ZFHX3: variants seen among roughly 807,000 people sequenced by gnomAD.
ZFHX3 encodes the protein zinc finger homeobox protein 3.
Under a neutral mutation model 279.1 loss-of-function variants are expected in ZFHX3, and 42 were observed. The observed-to-expected ratio is 0.15, with a 90% CI of 0.12 to 0.19. The LOEUF (loss-of-function observed/expected upper bound fraction) is 0.19, where lower values mean the gene tolerates loss of function less well. Among genes scored for constraint, ZFHX3 ranks in the 10% least tolerant of loss-of-function variants. ZFHX3 has a pLI of 1.00. For missense variants in ZFHX3, 4,981 were observed against 4,754.0 expected, an observed-to-expected ratio of 1.05 and a Z score of -1.40; for synonymous variants, 2,293 against 1,957.8, an observed-to-expected ratio of 1.17 and a Z score of -4.52.
At chr16:72,960,434 G>T (rs1251915582) in intron 1 of ZFHX3, among the ~76,000 whole-genome samples, 2 of 152,190 alleles carry the variant, frequency 1.3e-5, no homozygotes, top group African/African-American at 4.8e-5. Context: ...AAGAAGGCCA[G>T]GAACAGCCCT....
intron 3 of ZFHX3, among the ~76,000 whole-genome samples, chr16:72,933,813 CTTTTTTTTTTT>C (rs71391468): frequency 1.8e-5 from 2 of 112,458 alleles, no homozygotes; most frequent in African/African-American, 3.0e-5. Flanking sequence ...TCACAACTTT[CTTTTTTTTTTT>C]TTTTTTTTTT....
chr16:73,851,828 TC>T lies in ZFHX3; in HGVS notation c.-1608+39822del, dbSNP rs1199862854. Reference sequence around the variant, plus strand: ...TCAACAGATTTGTGTGTGTCTTGGGTCCCTCCTCACACCACCATCTTCCATA... The same window carrying T: ...TCAACAGATTTGTGTGTGTCTTGGGTCCTCCTCACACCACCATCTTCCATA... On this transcript the variant is annotated intron_variant, in intron 1 of 17. Transcript: ENST00000641206. Among the ~76,000 whole-genome samples the T allele has an allele frequency of 2.0e-5, 3 of 152,130 alleles. No individual in the cohort carries two copies. The East Asian group carries it at 5.8e-4, about 29-fold the overall frequency.
intron 7 of ZFHX3, among the ~76,000 whole-genome samples, chr16:72,810,221 TG>T (rs1468713579): frequency 6.7e-6 from 1 of 149,882 alleles, no homozygotes; most frequent in Non-Finnish European, 1.5e-5. Flanking sequence ...AGTCCTGCTG[TG>T]TCACCCAGGC....
intron 3 of ZFHX3, among the ~76,000 whole-genome samples, chr16:73,379,981 A>G (rs1032371975): frequency 2.0e-5 from 3 of 152,242 alleles, no homozygotes; most frequent in Non-Finnish European, 4.4e-5. Flanking sequence ...ACTCTAGAAT[A>G]TAGCTACATT....
At position 73,105,396 on chromosome 16, in the gene ZFHX3, T is replaced by TATATATACACACACAC. The variant is rs1966287296; in HGVS notation, c.-896-11799_-896-11798insGTGTGTGTGTATATAT. On this transcript the variant is annotated intron_variant, in intron 7 of 17. Transcript: ENST00000641206. ...ATATATATATATACACACACACACA[T>TATATATACACACACAC]ATATATATATATACACACACACATA... Among the ~76,000 whole-genome samples, 10 of 33,082 alleles carry TATATATACACACACAC rather than the reference T, an allele frequency of 3.0e-4. 1 individual carries two copies. Among genetic ancestry groups the TATATATACACACACAC allele is most frequent in the African/African-American group, 8.4e-4 (9 of 10,730 alleles). The allele number at this position is 33,082 out of a possible 152,430, so 21.7% of individuals were successfully genotyped here. A position where few individuals can be genotyped will look rare whatever the true frequency, so the allele number is the denominator to read the frequency against.
chr16:73,579,877 T>G (rs369004486), intron 2 of ZFHX3, among the ~76,000 whole-genome samples: 2 of 145,066 alleles, frequency 1.4e-5, no homozygotes, highest in African/African-American at 5.1e-5. Context: ...TATATATACA[T>G]ACACACACAT....
At chr16:73,358,492 A>G (rs1263727747) in intron 3 of ZFHX3, among the ~76,000 whole-genome samples, 3 of 152,126 alleles carry the variant, frequency 2.0e-5, no homozygotes, top group Non-Finnish European at 4.4e-5. Context: ...TCCCCATTCA[A>G]ACCTTGAGAT....
intron 1 of ZFHX3, among the ~76,000 whole-genome samples, chr16:73,720,989 A>G (rs1383443343): frequency 6.6e-6 from 1 of 152,260 alleles, no homozygotes; most frequent in Non-Finnish European, 1.5e-5. Context: ...CGTGTGGCTG[A>G]CAGAAGTGTT....
chr16:73,188,909 G>A (rs1410075421), intron 5 of ZFHX3, among the ~76,000 whole-genome samples: 1 of 150,740 alleles, frequency 6.6e-6, no homozygotes, highest in Non-Finnish European at 1.5e-5. Context: ...TTTTGCCCAG[G>A]CTGGAGTGCA....
At chr16:73,409,460 G>T (rs2017424374) in intron 3 of ZFHX3, among the ~76,000 whole-genome samples, 1 of 152,156 alleles carries the variant, frequency 6.6e-6, no homozygotes, top group African/African-American at 2.4e-5. Flanking sequence ...CCAAAAGACA[G>T]GCAATAACAA....
intron 5 of ZFHX3, among the ~76,000 whole-genome samples, chr16:73,155,190 A>AAC (rs1245909472): frequency 6.6e-6 from 1 of 151,672 alleles, no homozygotes; most frequent in Non-Finnish European, 1.5e-5. Flanking sequence ...CAAAAAAAAA[A>AAC]AAAACAAAAA....
At chr16:73,299,066 T>G (rs2014993565) in intron 4 of ZFHX3, among the ~76,000 whole-genome samples, 1 of 152,210 alleles carries the variant, frequency 6.6e-6, no homozygotes, top group African/African-American at 2.4e-5. Context: ...TAATTTTCTC[T>G]CTAAATATAA....
chr16:73,680,424 C>T (rs1418373672), intron 1 of ZFHX3, among the ~76,000 whole-genome samples: 1 of 152,162 alleles, frequency 6.6e-6, no homozygotes, highest in Non-Finnish European at 1.5e-5. Context: ...TTGACTGTTT[C>T]AGCTCATCTC....
chr16:73,488,094 G>T (rs2019004321), intron 2 of ZFHX3, among the ~76,000 whole-genome samples: 1 of 152,144 alleles, frequency 6.6e-6, no homozygotes, highest in Non-Finnish European at 1.5e-5. Context: ...TTTGGGGGGT[G>T]ATTTATTCAC....
chr16:73,320,275 C>A (rs2015549478), intron 3 of ZFHX3, among the ~76,000 whole-genome samples: 1 of 152,140 alleles, frequency 6.6e-6, no homozygotes, highest in African/African-American at 2.4e-5. Flanking sequence ...AAAACATATT[C>A]CAGATGAACC....
intron 3 of ZFHX3, among the ~76,000 whole-genome samples, chr16:73,370,294 C>T (rs375586948): frequency 6.6e-6 from 1 of 152,222 alleles, no homozygotes. Flanking sequence ...CTACATCTGA[C>T]AAGTCACATG....
intron 4 of ZFHX3, among the ~76,000 whole-genome samples, chr16:73,288,294 G>A (rs1001013507): frequency 6.6e-6 from 1 of 152,102 alleles, no homozygotes. Flanking sequence ...CCAGGGGATT[G>A]CAGGCTCCCA....
At chr16:73,058,277 A>C (rs573477081) in intron 1 of ZFHX3, among the ~76,000 whole-genome samples, 4 of 132,266 alleles carry the variant, frequency 3.0e-5, no homozygotes, top group African/African-American at 1.1e-4. Context: ...GAGGAGGAGG[A>C]AGAAGAAGAG....
At chr16:73,498,699 G>A (rs991740173) in intron 2 of ZFHX3, among the ~76,000 whole-genome samples, 2 of 152,194 alleles carry the variant, frequency 1.3e-5, no homozygotes, top group African/African-American at 4.8e-5. Flanking sequence ...AGCAGGATTG[G>A]GTAGCAGAAG....
Sources: gnomAD v4.1 joint callset for allele counts (sites outside exome capture counted in the v4.1 genomes callset) on GRCh38, gnomAD v4.1.1 for gene constraint, MANE v1.5 for transcripts, NCBI Gene and HGNC (gene_info 2026-07-23, HGNC 2026-07-21) for gene names.